Variants in ACTR3C observed in about 807,000 individuals in gnomAD.
ACTR3C encodes actin-related protein 3C.
A neutral mutation model predicts 26.3 loss-of-function variants in ACTR3C; 18 were observed. The ratio of observed to expected loss-of-function variants is 0.68; its 90% CI spans 0.47 to 1.01. ACTR3C has a LOEUF of 1.01. Among genes scored for constraint, ACTR3C ranks in the 50% least tolerant of loss-of-function variants. The pLI, the probability that ACTR3C is intolerant of heterozygous loss-of-function variation, is 0.00. For missense variants in ACTR3C, 184 were observed against 250.7 expected (o/e 0.73, Z 1.80); for synonymous variants, 55 against 94.5 (o/e 0.58, Z 2.42).
At chr7:150,285,159 C>T (rs1017062312) in intron 5 of ACTR3C, among the ~76,000 whole-genome samples, 11 of 152,066 alleles carry the variant, frequency 7.2e-5, no homozygotes, top group African/African-American at 9.7e-5. Context: ...AGTATGTGCA[C>T]GATCTACGTG....
chr7:150,038,260 C>A, the ACTR3C span, among the ~76,000 whole-genome samples: 11 of 144,024 alleles, frequency 7.6e-5, no homozygotes, highest in African/African-American at 1.6e-4. Flanking sequence ...CATCCTTTAG[C>A]AACCCTGTCT....
At chr7:150,319,162 T>A (rs1432134673) in intron 1 of ACTR3C, among the ~76,000 whole-genome samples, 5 of 152,282 alleles carry the variant, frequency 3.3e-5, no homozygotes, top group Admixed American at 3.3e-4. Context: ...GTCGAGTGAC[T>A]CTGAAATTTA....
At chr7:150,094,656 G>A in the ACTR3C span, among the ~76,000 whole-genome samples, 2 of 150,382 alleles carry the variant, frequency 1.3e-5, no homozygotes, top group African/African-American at 5.0e-5. Flanking sequence ...ATTCAATCCA[G>A]CAACAGCCTC....
chr7:150,105,670 G>T, the ACTR3C span, among the ~76,000 whole-genome samples: 1 of 151,990 alleles, frequency 6.6e-6, no homozygotes, highest in Non-Finnish European at 1.5e-5. Context: ...ACTTATAAAT[G>T]TAAAAGACAT....
the ACTR3C span, among the ~76,000 whole-genome samples, chr7:149,922,970 CTTTTT>C: frequency 2.9e-4 from 20 of 69,162 alleles, 1 homozygote; most frequent in East Asian, 3.5e-3. Context: ...AAATAAAAGG[CTTTTT>C]TTTTTTTTTT....
the ACTR3C span, among the ~76,000 whole-genome samples, chr7:149,973,111 T>C: frequency 3.3e-5 from 5 of 151,982 alleles, no homozygotes; most frequent in Non-Finnish European, 7.4e-5. Context: ...TGTCCCCAGG[T>C]AAGCCCCATG....
the ACTR3C span, among the ~76,000 whole-genome samples, chr7:149,883,381 CCT>C: frequency 6.6e-6 from 1 of 151,870 alleles, no homozygotes; most frequent in East Asian, 1.9e-4. Context: ...TAAATATCAG[CCT>C]CTGACACAGA....
At chr7:150,073,152 C>G in the ACTR3C span, among the ~76,000 whole-genome samples, 1 of 152,200 alleles carries the variant, frequency 6.6e-6, no homozygotes, top group African/African-American at 2.4e-5. Context: ...ATGGGACTAG[C>G]GTCCTTAGCA....
chr7:149,993,249 C>T, the ACTR3C span, among the ~76,000 whole-genome samples: 4 of 150,680 alleles, frequency 2.7e-5, no homozygotes, highest in South Asian at 8.7e-4. Context: ...ATCTAGGCAT[C>T]CTTCAATCCA....
chr7:150,110,404 G>A, the ACTR3C span, among the ~76,000 whole-genome samples: 4 of 145,140 alleles, frequency 2.8e-5, no homozygotes, highest in Admixed American at 7.1e-5. Context: ...GGTGGCAGGG[G>A]CGGGACTGCT....
At chr7:150,311,121 G>A (rs1230719229) in intron 1 of ACTR3C, among the ~76,000 whole-genome samples, 2 of 152,120 alleles carry the variant, frequency 1.3e-5, no homozygotes, top group Admixed American at 6.5e-5. Flanking sequence ...GCTCACTAAA[G>A]GTGATTTAAC....
the ACTR3C span, among the ~76,000 whole-genome samples, chr7:150,080,441 A>G: frequency 6.6e-6 from 1 of 151,880 alleles, no homozygotes; most frequent in African/African-American, 2.4e-5. Context: ...ACATGGACAC[A>G]GAATTCAGAA....
the ACTR3C span, among the ~76,000 whole-genome samples, chr7:149,959,229 A>G: frequency 2.0e-4 from 4 of 19,524 alleles, no homozygotes; most frequent in Non-Finnish European, 6.7e-4. Context: ...CTCGCCCCCC[A>G]CCCCCACAAT....
intron 3 of ACTR3C, among the ~76,000 whole-genome samples, chr7:150,292,145 A>T (rs1352407462): frequency 2.7e-5 from 4 of 150,662 alleles, no homozygotes. Flanking sequence ...GCATTTTAAA[A>T]GAGCTGTGTG....
At chr7:149,890,946 T>C in the ACTR3C span, 6 of 234,984 alleles carry the variant, frequency 2.6e-5, no homozygotes, top group African/African-American at 1.3e-4. Flanking sequence ...CATGTGCAAT[T>C]CCATCACTGA....
the ACTR3C span, among the ~76,000 whole-genome samples, chr7:150,172,488 C>T: frequency 6.6e-6 from 1 of 150,568 alleles, no homozygotes. Context: ...TGGGTCCCTC[C>T]TACAACATAT....
chr7:150,275,508 C>G (rs982802615), intron 6 of ACTR3C, among the ~76,000 whole-genome samples: 21 of 152,106 alleles, frequency 1.4e-4, no homozygotes, highest in African/African-American at 4.6e-4. Context: ...GTCAGGAGTT[C>G]GAGACCAGCC....
chr7:150,223,842 A>G, the ACTR3C span, among the ~76,000 whole-genome samples: 1 of 152,180 alleles, frequency 6.6e-6, no homozygotes, highest in East Asian at 1.9e-4. Context: ...ATCTCACTAG[A>G]CAGCACTCAA....
chr7:150,188,811 C>T, the ACTR3C span, among the ~76,000 whole-genome samples: 1 of 138,434 alleles, frequency 7.2e-6, no homozygotes, highest in African/African-American at 2.5e-5. Context: ...TGAACTCATT[C>T]CCCCCAAAAT....
Sources: allele counts gnomAD v4.1 joint callset (sites outside exome capture counted in the v4.1 genomes callset), GRCh38; gene constraint gnomAD v4.1.1; transcripts MANE v1.5; gene names NCBI Gene and HGNC (gene_info 2026-07-23, HGNC 2026-07-21).